COMMD6: variants seen among roughly 807,000 people sequenced by gnomAD.
COMMD6 encodes the protein COMM domain-containing protein 6.
In COMMD6, 11 loss-of-function variants were observed where a neutral mutation model predicts 13.4. The ratio of observed to expected loss-of-function variants is 0.82; its 90% CI spans 0.52 to 1.36. The LOEUF is 1.36. Among genes scored for constraint, COMMD6 ranks in the 40% most tolerant of loss-of-function variants. The probability of loss-of-function intolerance (pLI) is 0.00; values close to 1 mark genes in which losing one functional copy is unlikely to be tolerated. For synonymous variants in COMMD6, 43 were observed against 36.5 expected, an observed-to-expected ratio of 1.18 and a Z score of -0.64; for missense variants, 124 against 102.4, an observed-to-expected ratio of 1.21 and a Z score of -0.91.
At chr13:75,541,835 AT>A (rs768151575), upstream of COMMD6, among the ~76,000 whole-genome samples, 1 of 152,192 alleles carries the variant, frequency 6.6e-6, no homozygotes, top group African/African-American at 2.4e-5. Flanking sequence ...GGCCCCCCAA[AT>A]ATGTTACTTT....
chr13:75,537,441 T>C (rs929530469), intron 2 of COMMD6: 1 of 1,551,450 alleles, frequency 6.4e-7, no homozygotes, highest in South Asian at 1.2e-5. Flanking sequence ...TTGATCTGCA[T>C]TCTTCGGGCT....
chr13:75,537,523 G>A (rs2030714858), intron 2 of COMMD6, 141 bp downstream of exon 2: 1 of 1,575,876 alleles, frequency 6.3e-7, no homozygotes, highest in Non-Finnish European at 8.6e-7. Flanking sequence ...AAGAGAAGGA[G>A]CAATGCAAGA....
At chr13:75,545,453 T>C (rs1365349003) in intron 1 of COMMD6, among the ~76,000 whole-genome samples, 1 of 152,064 alleles carries the variant, frequency 6.6e-6, no homozygotes, top group Non-Finnish European at 1.5e-5. Context: ...TTACATCAGA[T>C]GGTTTCTTTT....
At chr13:75,544,134 G>A (rs1036561159) in intron 1 of COMMD6, among the ~76,000 whole-genome samples, 1 of 151,846 alleles carries the variant, frequency 6.6e-6, no homozygotes. Context: ...GGGAGGTGGG[G>A]TAATCATCAA....
At chr13:75,527,314 A>G (rs755191780) in intron 3 of COMMD6, among the ~76,000 whole-genome samples, 33 of 152,108 alleles carry the variant, frequency 2.2e-4, no homozygotes, top group Non-Finnish European at 4.6e-4. Flanking sequence ...ATTTGGTCTT[A>G]ATTTTCTATT....
upstream of COMMD6, among the ~76,000 whole-genome samples, chr13:75,542,885 G>A (rs113965260): frequency 6.6e-6 from 1 of 152,216 alleles, no homozygotes; most frequent in Non-Finnish European, 1.5e-5. Flanking sequence ...AAGGAAGGCT[G>A]CTTCTAGAAG....
At chr13:75,542,550 AAGTACTGGGATTAC>A (rs1334873168), upstream of COMMD6, among the ~76,000 whole-genome samples, 1 of 152,044 alleles carries the variant, frequency 6.6e-6, no homozygotes, top group African/African-American at 2.4e-5. Flanking sequence ...TAGCCTCCCA[AAGTACTGGGATTAC>A]AGGCGTGAGT....
upstream of COMMD6, among the ~76,000 whole-genome samples, chr13:75,540,640 A>C (rs2030813772): frequency 6.6e-6 from 1 of 152,254 alleles, no homozygotes; most frequent in Non-Finnish European, 1.5e-5. Context: ...CCATCTTACA[A>C]GAGATCACTT....
intron 2 of COMMD6, chr13:75,537,431 T>C (rs2030708704): frequency 4.5e-6 from 7 of 1,551,300 alleles, no homozygotes; most frequent in Non-Finnish European, 6.1e-6. Flanking sequence ...CCAACAATCC[T>C]TGATCTGCAT....
intron 3 of COMMD6, chr13:75,527,831 G>A (rs372339964): frequency 9.3e-6 from 14 of 1,513,036 alleles, no homozygotes; most frequent in Non-Finnish European, 1.2e-5. Flanking sequence ...AAAGGAGACT[G>A]GAGGTTGCCA....
At chr13:75,538,604 C>T (rs1282543252), upstream of COMMD6, 1 of 152,146 alleles carries the variant, frequency 6.6e-6, no homozygotes, top group Admixed American at 6.5e-5. Context: ...CATGTTGTCT[C>T]CTAAGAACTA....
At chr13:75,527,384 G>C (rs891102613) in intron 3 of COMMD6, among the ~76,000 whole-genome samples, 1 of 152,116 alleles carries the variant, frequency 6.6e-6, no homozygotes, top group Admixed American at 6.5e-5. Context: ...ACAGAATGAA[G>C]CAAAGTGTAA....
intron 2 of COMMD6, among the ~76,000 whole-genome samples, chr13:75,535,669 A>G (rs987379078): frequency 1.3e-5 from 2 of 152,130 alleles, no homozygotes; most frequent in African/African-American, 4.8e-5. Flanking sequence ...TGTCTCACCA[A>G]TTTGGGGGAC....
chr13:75,530,282 A>T lies in COMMD6; in HGVS notation c.55-16T>A. Reference sequence around the variant, plus strand: ...AATCTACAAGCTTTAATAAGACAGGACAAAATAATACATTAGTAGTAACAT... The same window carrying T: ...AATCTACAAGCTTTAATAAGACAGGTCAAAATAATACATTAGTAGTAACAT... On this transcript the variant is annotated splice_polypyrimidine_tract_variant and intron_variant, in intron 2 of 3. Coordinates refer to ENST00000682242, the MANE Select transcript of COMMD6 (RefSeq NM_203495.4). The T allele has an allele frequency of 6.3e-7, 1 of 1,586,394 alleles. No homozygotes were observed. Among genetic ancestry groups the T allele is most frequent in the Non-Finnish European group, 8.6e-7 (1 of 1,162,900 alleles).
intron 2 of COMMD6, among the ~76,000 whole-genome samples, chr13:75,535,946 G>T (rs768103156): frequency 6.6e-6 from 1 of 151,718 alleles, no homozygotes; most frequent in Non-Finnish European, 1.5e-5. Context: ...GGACTGCTGT[G>T]GTGTAATCAC....
chr13:75,539,817 A>T (rs750745816), upstream of COMMD6, among the ~76,000 whole-genome samples: 3 of 152,158 alleles, frequency 2.0e-5, no homozygotes, highest in Non-Finnish European at 4.4e-5. Flanking sequence ...CACTGACTCA[A>T]GGTTATTGGA....
chr13:75,541,717 G>A (rs1199895853), upstream of COMMD6, among the ~76,000 whole-genome samples: 1 of 151,844 alleles, frequency 6.6e-6, no homozygotes, highest in Non-Finnish European at 1.5e-5. Flanking sequence ...ACAAAGCTTG[G>A]GTGCAAATAT....
intron 2 of COMMD6, among the ~76,000 whole-genome samples, chr13:75,535,829 T>C (rs930476268): frequency 1.3e-5 from 2 of 152,224 alleles, no homozygotes; most frequent in Admixed American, 1.3e-4. Context: ...TACCGCTTTT[T>C]GTAATTTTCT....
At chr13:75,542,899 G>C (rs1384830501), upstream of COMMD6, among the ~76,000 whole-genome samples, 1 of 152,198 alleles carries the variant, frequency 6.6e-6, no homozygotes, top group Non-Finnish European at 1.5e-5. Flanking sequence ...CTAGAAGCTA[G>C]AATGGGCACA....
Sources: gnomAD v4.1 joint callset for allele counts (sites outside exome capture counted in the v4.1 genomes callset) on GRCh38, gnomAD v4.1.1 for gene constraint, MANE v1.5 for transcripts, NCBI Gene and HGNC (gene_info 2026-07-23, HGNC 2026-07-21) for gene names.